The following GPD2 variants were observed in gnomAD, a reference collection of about 807,000 sequenced individuals.
The protein encoded by GPD2 is glycerol-3-phosphate dehydrogenase 2, also known as glycerol-3-phosphate dehydrogenase, mitochondrial.
In GPD2, 54 loss-of-function variants were observed where a neutral mutation model predicts 82.4. The observed-to-expected ratio is 0.66, with a 90% CI of 0.53 to 0.82. The LOEUF (loss-of-function observed/expected upper bound fraction) is 0.82, where lower values mean the gene tolerates loss of function less well. Among genes scored for constraint, GPD2 ranks in the 40% least tolerant of loss-of-function variants. The pLI, the probability that GPD2 is intolerant of heterozygous loss-of-function variation, is 0.00. For missense variants in GPD2, 748 were observed against 896.2 expected (o/e 0.83, Z 2.11); for synonymous variants, 288 against 306.1 (o/e 0.94, Z 0.62).
intron 8 of GPD2, among the ~76,000 whole-genome samples, chr2:156,553,279 C>T (rs1471773539): frequency 6.6e-6 from 1 of 152,076 alleles, no homozygotes; most frequent in Non-Finnish European, 1.5e-5. Flanking sequence ...GTATCCCCAG[C>T]TATTGGTACG....
At chr2:156,468,033 G>T (rs769266145) in intron 1 of GPD2, among the ~76,000 whole-genome samples, 1 of 152,094 alleles carries the variant, frequency 6.6e-6, no homozygotes, top group Non-Finnish European at 1.5e-5. Context: ...ATTGTTACTT[G>T]TCTGAGTAAG....
the GPD2 span, among the ~76,000 whole-genome samples, chr2:156,400,695 A>G: frequency 6.6e-6 from 1 of 152,242 alleles, no homozygotes; most frequent in East Asian, 1.9e-4. Flanking sequence ...TTAAAAATAA[A>G]GATCTTAATA....
intron 2 of GPD2, among the ~76,000 whole-genome samples, chr2:156,479,656 T>C (rs1444096083): frequency 6.6e-6 from 1 of 152,136 alleles, no homozygotes; most frequent in African/African-American, 2.4e-5. Flanking sequence ...ACCAAGGAAG[T>C]TGATGAGGAA....
chr2:156,465,098 G>A (rs182901777), intron 1 of GPD2, among the ~76,000 whole-genome samples: 8 of 152,176 alleles, frequency 5.3e-5, no homozygotes, highest in South Asian at 2.1e-4. Context: ...TGATCCACCC[G>A]CCACGGCCTC....
chr2:156,451,765 C>G (rs891375575), intron 1 of GPD2, among the ~76,000 whole-genome samples: 1 of 150,654 alleles, frequency 6.6e-6, no homozygotes, highest in African/African-American at 2.4e-5. Flanking sequence ...ACCTCCCTCC[C>G]AGACAGGGTG....
chr2:156,582,609 C>T (rs1233051512), intron 16 of GPD2, among the ~76,000 whole-genome samples, 184 bp from the exon 17 acceptor site: 1 of 151,798 alleles, frequency 6.6e-6, no homozygotes, highest in Admixed American at 6.6e-5. Context: ...GAAATACCTG[C>T]CTCTTCCCCT....
intron 1 of GPD2, among the ~76,000 whole-genome samples, chr2:156,471,567 A>C (rs1026485736): frequency 6.6e-6 from 1 of 152,104 alleles, no homozygotes; most frequent in Non-Finnish European, 1.5e-5. Context: ...AGAACGTACC[A>C]TGATGCTCCC....
At chr2:156,400,779 C>T in the GPD2 span, among the ~76,000 whole-genome samples, 4 of 152,296 alleles carry the variant, frequency 2.6e-5, no homozygotes, top group East Asian at 1.9e-4. Context: ...GGGGATGTAG[C>T]TCAGTGGTAG....
rs191142128 is a variant in GPD2 at position 156,528,761 on chromosome 2, C to T, written c.661+15265C>T. Among the ~76,000 whole-genome samples the T allele has an allele frequency of 1.4e-3, 211 of 152,078 alleles. 2 individuals are homozygous for T. The highest frequency in any genetic ancestry group is 4.3e-3 in the African/African-American group (176 of 41,408). ...ATTTCATCCATGTCCCTACAAAGGA[C>T]GTGATCTCATCATTTTTTATGGCTG... On this transcript the variant is annotated intron_variant, in intron 6 of 16. Coordinates refer to ENST00000438166, the MANE Select transcript of GPD2 (RefSeq NM_000408.5).
the GPD2 span, among the ~76,000 whole-genome samples, chr2:156,420,425 C>T: frequency 6.6e-6 from 1 of 152,188 alleles, no homozygotes; most frequent in African/African-American, 2.4e-5. Flanking sequence ...CTCGCCTTGA[C>T]CTCCCAAAGT....
At chr2:156,404,417 C>G in the GPD2 span, among the ~76,000 whole-genome samples, 1 of 151,894 alleles carries the variant, frequency 6.6e-6, no homozygotes, top group Non-Finnish European at 1.5e-5. Context: ...CAAAATTAGC[C>G]TTTAAACTTA....
the GPD2 span, among the ~76,000 whole-genome samples, chr2:156,413,763 G>T: frequency 6.6e-6 from 1 of 151,900 alleles, no homozygotes; most frequent in East Asian, 1.9e-4. Flanking sequence ...AATTAGCCAG[G>T]CGTGGTGGCG....
intron 2 of GPD2, chr2:156,495,486 T>C: frequency 3.5e-6 from 1 of 283,674 alleles, no homozygotes; most frequent in African/African-American, 2.3e-5. Context: ...TAAACATAGC[T>C]CATTATTTAG....
chr2:156,533,888 C>T (rs1464690562), intron 6 of GPD2, among the ~76,000 whole-genome samples: 1 of 152,158 alleles, frequency 6.6e-6, no homozygotes, highest in African/African-American at 2.4e-5. Context: ...GGCTCCAGCC[C>T]ACGGTAGCGT....
chr2:156,522,592 AT>A (rs1200773963), intron 6 of GPD2, among the ~76,000 whole-genome samples: 2 of 152,074 alleles, frequency 1.3e-5, no homozygotes, highest in Non-Finnish European at 2.9e-5. Flanking sequence ...TTTGCCAGGC[AT>A]TGTACATATA....
At chr2:156,474,970 A>G (rs1028292585) in intron 1 of GPD2, among the ~76,000 whole-genome samples, 42 of 151,852 alleles carry the variant, frequency 2.8e-4, no homozygotes, top group Admixed American at 1.9e-3. Flanking sequence ...AAGAAAGAAA[A>G]AAAAATAGCC....
intron 6 of GPD2, among the ~76,000 whole-genome samples, chr2:156,516,216 G>A (rs1440733737): frequency 6.6e-6 from 1 of 152,168 alleles, no homozygotes; most frequent in Non-Finnish European, 1.5e-5. Context: ...TCACCATGAT[G>A]AGAATATAAC....
At chr2:156,481,586 C>T (rs908586138) in intron 2 of GPD2, among the ~76,000 whole-genome samples, 2 of 151,742 alleles carry the variant, frequency 1.3e-5, no homozygotes, top group African/African-American at 4.8e-5. Flanking sequence ...ACTTATTTCA[C>T]TTAACATAAT....
intron 16 of GPD2, 46 bp from the exon 17 acceptor site, chr2:156,582,747 G>A (rs372578038): frequency 5.4e-5 from 86 of 1,604,608 alleles, no homozygotes; most frequent in Admixed American, 8.3e-5. Context: ...GAAGAAGAGA[G>A]TAAGTTGGCC....
Sources: gnomAD v4.1 joint callset for allele counts (sites outside exome capture counted in the v4.1 genomes callset) on GRCh38, gnomAD v4.1.1 for gene constraint, MANE v1.5 for transcripts, NCBI Gene and HGNC (gene_info 2026-07-23, HGNC 2026-07-21) for gene names.